The following ARHGEF10L variants were observed in gnomAD, a reference collection of about 807,000 sequenced individuals.
The protein encoded by ARHGEF10L is rho guanine nucleotide exchange factor 10-like protein.
In ARHGEF10L, 69 loss-of-function variants were observed where a neutral mutation model predicts 141.2. The observed-to-expected ratio is 0.49, with a 90% CI of 0.40 to 0.60. The LOEUF (loss-of-function observed/expected upper bound fraction) is 0.60. Ranked by LOEUF, ARHGEF10L falls within the 20% of genes least tolerant of loss-of-function variation. The probability of loss-of-function intolerance (pLI) is 0.00; values close to 1 mark genes in which losing one functional copy is unlikely to be tolerated. For missense variants in ARHGEF10L, 1,482 were observed against 1,734.3 expected (o/e 0.85, Z 2.58); for synonymous variants, 711 against 718.5 (o/e 0.99, Z 0.17).
intron 6 of ARHGEF10L, among the ~76,000 whole-genome samples, chr1:17,605,549 T>A (rs891191713): frequency 6.6e-6 from 1 of 152,202 alleles, no homozygotes; most frequent in Admixed American, 6.5e-5. Context: ...TATTTCTATA[T>A]GTGTAGATGG....
chr1:17,639,865 C>T lies in ARHGEF10L; in HGVS notation c.2172-337C>T. 3 of 1,386,912 alleles carry T rather than the reference C, an allele frequency of 2.2e-6. No homozygotes were observed. The highest frequency in any genetic ancestry group is 2.9e-6 in the Non-Finnish European group (3 of 1,052,100). 85.9% of individuals were successfully genotyped at this position (1,386,912 alleles called of 1,614,324 possible). On this transcript the variant is annotated intron_variant, in intron 20 of 28. Transcript: ENST00000361221. This position sits in a 1 kb window ranked among gnomAD's most constrained non-coding sequence, Gnocchi z 4.3. ...GGTCAGACATGTAAGGTGTCTAAGA[C>T]CTGTGGACAGCTGACCGCTGACCAG...
In ARHGEF10L at chr1:17,664,115, T is replaced by C. The variant is rs114601431; in HGVS notation, c.2861-332T>C. Reference sequence around the variant, plus strand: ...TCTTCCCAGCACCCAGTGCATGGCATGGGTGGAGTAGGTGCTTACTGCATG... The same window carrying C: ...TCTTCCCAGCACCCAGTGCATGGCACGGGTGGAGTAGGTGCTTACTGCATG... On this transcript the variant is annotated intron_variant, in intron 25 of 28. Transcript: ENST00000361221. Among the ~76,000 whole-genome samples, 599 of 152,064 alleles carry C rather than the reference T, an allele frequency of 3.9e-3. 2 individuals carry two copies. Among genetic ancestry groups the C allele is most frequent in the African/African-American group, 0.014 (580 of 41,470 alleles).
At chr1:17,564,726 G>A (rs937255753) in intron 1 of ARHGEF10L, among the ~76,000 whole-genome samples, 3 of 152,176 alleles carry the variant, frequency 2.0e-5, no homozygotes, top group Non-Finnish European at 4.4e-5. Context: ...CTGTCTCAGA[G>A]GGTTTTTAGG....
At chr1:17,608,313 C>T (rs536930548) in intron 7 of ARHGEF10L, among the ~76,000 whole-genome samples, 11 of 152,306 alleles carry the variant, frequency 7.2e-5, no homozygotes, top group African/African-American at 1.9e-4. Flanking sequence ...CTCTCAACGC[C>T]GCACTCCAGG....
chr1:17,580,896 G>A (rs914310189), intron 2 of ARHGEF10L, among the ~76,000 whole-genome samples: 1 of 152,184 alleles, frequency 6.6e-6, no homozygotes, highest in African/African-American at 2.4e-5. Flanking sequence ...GAACACACGG[G>A]GGTCTCAGGC....
chr1:17,643,127 T>A (rs1304004906), intron 21 of ARHGEF10L, among the ~76,000 whole-genome samples: 1 of 152,236 alleles, frequency 6.6e-6, no homozygotes, highest in Non-Finnish European at 1.5e-5. Context: ...ATTTTGCCAG[T>A]ATTTTTTTTC....
chr1:17,564,745 A>T (rs1445916084), intron 1 of ARHGEF10L, among the ~76,000 whole-genome samples: 1 of 152,208 alleles, frequency 6.6e-6, no homozygotes, highest in African/African-American at 2.4e-5. Context: ...GGAGGAAATT[A>T]TAGGAGCTGT....
At position 17,654,561 on chromosome 1, in the gene ARHGEF10L, C is replaced by A; in HGVS notation, c.2395-75C>A. 1 of 1,323,352 alleles carries A rather than the reference C, an allele frequency of 7.6e-7. No individual in the cohort carries two copies. Among genetic ancestry groups the A allele is most frequent in the Non-Finnish European group, 1.1e-6 (1 of 915,718 alleles). The allele number at this position is 1,323,352 out of a possible 1,614,324, so 82.0% of individuals were successfully genotyped here. A position where few individuals can be genotyped will look rare whatever the true frequency, so the allele number is the denominator to read the frequency against. ...CTAATCCAGGGAGAGTTGGATGGGG[C>A]CCAGGAATCTGCCAAATATTGGCAT... On this transcript the variant is annotated intron_variant, in intron 22 of 28. Coordinates refer to ENST00000361221, the MANE Select transcript of ARHGEF10L (RefSeq NM_018125.4). The surrounding 1 kb of genome is among the most constrained non-coding windows in gnomAD (Gnocchi z 4.3).
chr1:17,629,439 C>T (rs147547433), intron 15 of ARHGEF10L, among the ~76,000 whole-genome samples: 1,797 of 152,254 alleles, frequency 0.012, 17 homozygotes, highest in South Asian at 0.028. Flanking sequence ...GCTGGCTCAC[C>T]GACCCACCTT....
chr1:17,612,019 C>T lies in ARHGEF10L; in HGVS notation c.610-1039C>T, dbSNP rs928585809. On this transcript the variant is annotated intron_variant, in intron 7 of 28. Transcript: ENST00000361221. ...TCCATCCATCCATCCTCCAGATAGT[C>T]TGTAAGCTGAGCATCCATTCTTCCA... Among the ~76,000 whole-genome samples, 5 of 152,062 alleles carry T rather than the reference C, an allele frequency of 3.3e-5. No individual in the cohort carries two copies. The East Asian group carries it at 9.7e-4, about 29-fold the overall frequency.
Position 17,627,276 on chromosome 1 carries a change from C to T in ARHGEF10L, c.1411-54C>T. ...GCGCAGGGTGAGGCTTTGCCCCAGG[C>T]TGGGGTAGAGTTGGTCATGGGTGGG... On this transcript the variant is annotated intron_variant, in intron 14 of 28. Transcript: ENST00000361221. The surrounding 1 kb of genome is among the most constrained non-coding windows in gnomAD (Gnocchi z 4.0). 6.3e-7 allele frequency: 1 copy of T among 1,586,760 alleles called. No individual in the cohort carries two copies. The highest frequency in any genetic ancestry group is 1.3e-5 in the African/African-American group (1 of 74,656).
chr1:17,697,310 G>A lies in ARHGEF10L; in HGVS notation c.3770G>A (p.Ser1257Asn). 1 of 1,612,394 alleles carries A rather than the reference G, an allele frequency of 6.2e-7. No individual in the cohort carries two copies. Among genetic ancestry groups the A allele is most frequent in the Non-Finnish European group, 8.5e-7 (1 of 1,179,556 alleles). ...AACTTTGGCAGCGCTCTGGGCAGCA[G>A]TGGGAGGCAGGCCCCGTGTGGGGAG... is the stretch of plus-strand genomic sequence containing the variant. ...YRNFGSALGS[S>N]GRQAPCGETD... Residue 1257 changes from serine (S) to asparagine (N), a missense_variant, in exon 29 of 29, where the codon AGT becomes AAT. Ser to Asn is a conservative substitution (Grantham distance 46). Transcript: ENST00000361221. This position sits in a 1 kb window ranked among gnomAD's most constrained non-coding sequence, Gnocchi z 4.8.
At chr1:17,648,878 C>T (rs1209914592) in intron 22 of ARHGEF10L, among the ~76,000 whole-genome samples, 9 of 152,310 alleles carry the variant, frequency 5.9e-5, no homozygotes, top group Admixed American at 4.6e-4. Flanking sequence ...TGGAGGCGAA[C>T]GACCACTGTG....
intron 26 of ARHGEF10L, among the ~76,000 whole-genome samples, chr1:17,669,554 T>A (rs770154737): frequency 5.9e-5 from 9 of 152,232 alleles, no homozygotes; most frequent in Non-Finnish European, 8.8e-5. Flanking sequence ...ACAGGCATTC[T>A]GAGTCTTAAC....
chr1:17,683,446 C>T (rs2064305228), intron 26 of ARHGEF10L, among the ~76,000 whole-genome samples: 1 of 152,122 alleles, frequency 6.6e-6, no homozygotes, highest in African/African-American at 2.4e-5. Flanking sequence ...GCCCCCTGCT[C>T]TCACTTGGGT....
At chr1:17,636,801 A>G (rs1335066155) in intron 18 of ARHGEF10L, among the ~76,000 whole-genome samples, 1 of 152,034 alleles carries the variant, frequency 6.6e-6, no homozygotes, top group Non-Finnish European at 1.5e-5. Context: ...AAAACCCCAA[A>G]TAAGGCTTCC....
chr1:17,661,759 G>A (rs2062642283), intron 25 of ARHGEF10L, among the ~76,000 whole-genome samples: 1 of 152,230 alleles, frequency 6.6e-6, no homozygotes, highest in Non-Finnish European at 1.5e-5. Context: ...GGCCACTGGG[G>A]GGCGCTCAAA....
chr1:17,655,832 C>T, intron 23 of ARHGEF10L, 47 bp from the exon 24 acceptor site: 1 of 1,520,588 alleles, frequency 6.6e-7, no homozygotes, highest in Non-Finnish European at 8.9e-7. Context: ...TCCTCTGCTC[C>T]CTCCTGTGGT....
At chr1:17,663,022 T>A (rs1265572799) in intron 25 of ARHGEF10L, among the ~76,000 whole-genome samples, 3 of 152,198 alleles carry the variant, frequency 2.0e-5, no homozygotes, top group Non-Finnish European at 2.9e-5. Flanking sequence ...CAGCTTCCTC[T>A]TCAACCCCCC....
Sources: gnomAD v4.1 joint callset for allele counts (sites outside exome capture counted in the v4.1 genomes callset) on GRCh38, gnomAD v4.1.1 for gene constraint, Gnocchi (gnomAD v3.1) non-coding constraint, MANE v1.5 for transcripts, NCBI Gene and HGNC (gene_info 2026-07-23, HGNC 2026-07-21) for gene names.